Variants in ZNF577 observed in about 807,000 individuals in gnomAD.
ZNF577 encodes the protein zinc finger protein 577.
ZNF577 carries 14 observed loss-of-function variants against 13.9 expected under a neutral mutation model. The ratio of observed to expected loss-of-function variants is 1.00; its 90% CI spans 0.66 to 1.57. The LOEUF (loss-of-function observed/expected upper bound fraction) is 1.57, where lower values mean the gene tolerates loss of function less well. ZNF577 is among the 40% of genes most tolerant of loss of function. The pLI, the probability that ZNF577 is intolerant of heterozygous loss-of-function variation, is 0.00. For synonymous variants in ZNF577, 203 were observed against 202.9 expected, an observed-to-expected ratio of 1.00 and a Z score of 0.00; for missense variants, 555 against 579.2, an observed-to-expected ratio of 0.96 and a Z score of 0.43.
At chr19:51,832,161 T>G (rs576116803) in intron 9 of ZNF577, among the ~76,000 whole-genome samples, 1 of 152,196 alleles carries the variant, frequency 6.6e-6, no homozygotes, top group Admixed American at 6.5e-5. Context: ...AGCCTCCACA[T>G]TCATCTGTCA....
At chr19:51,832,831 A>G (rs1354812858) in intron 9 of ZNF577, among the ~76,000 whole-genome samples, 1 of 152,186 alleles carries the variant, frequency 6.6e-6, no homozygotes, top group Non-Finnish European at 1.5e-5. Flanking sequence ...ACGTATGTCA[A>G]AAGTCAATAT....
At chr19:51,821,823 G>A (rs1157490488) in intron 9 of ZNF577, among the ~76,000 whole-genome samples, 1 of 151,674 alleles carries the variant, frequency 6.6e-6, no homozygotes, top group Non-Finnish European at 1.5e-5. Flanking sequence ...AATTCCCTCT[G>A]GTACAAAAAG....
Position 51,873,031 on chromosome 19 carries a change from T to C in ZNF577, c.959A>G (p.His320Arg). 1 of 1,614,240 alleles carries C rather than the reference T, an allele frequency of 6.2e-7. No homozygotes were observed. Among genetic ancestry groups the C allele is most frequent in the Non-Finnish European group, 8.5e-7 (1 of 1,180,044 alleles). Residue 320 changes from histidine to arginine, a missense_variant, in exon 6 of 6, where the codon CAT becomes CGT. Transcript: ENST00000638348. Reference protein sequence around the residue: ...KSDLTRHQRIHTGEKPYECSE... With the variant: ...KSDLTRHQRIRTGEKPYECSE... ...ACATTCATAAGGTTTCTCTCCCGTATGAATCCTCTGATGTCTGGTCAGGTC... is the reference window on the plus strand; with the variant it reads ...ACATTCATAAGGTTTCTCTCCCGTACGAATCCTCTGATGTCTGGTCAGGTC...
chr19:51,835,170 TA>T (rs2084281832), intron 9 of ZNF577, among the ~76,000 whole-genome samples: 1 of 151,930 alleles, frequency 6.6e-6, no homozygotes, highest in Non-Finnish European at 1.5e-5. Context: ...CTAGCAATAC[TA>T]ATCAAGAAAA....
At chr19:51,832,607 C>A (rs1006835190) in intron 9 of ZNF577, among the ~76,000 whole-genome samples, 22 of 152,178 alleles carry the variant, frequency 1.4e-4, no homozygotes, top group African/African-American at 5.1e-4. Flanking sequence ...TCAAAGAATT[C>A]TTTGGTTAGC....
At chr19:51,810,382 T>A (rs2084088065) in intron 10 of ZNF577, among the ~76,000 whole-genome samples, 1 of 152,198 alleles carries the variant, frequency 6.6e-6, no homozygotes, top group East Asian at 1.9e-4. Flanking sequence ...TCACTGCCTC[T>A]TGTGATCTTG....
intron 4 of ZNF577, chr19:51,877,614 TAAC>T: frequency 2.7e-6 from 1 of 366,840 alleles, no homozygotes; most frequent in East Asian, 4.4e-5. Context: ...AAACAGAAAA[TAAC>T]AATTGTTGGC....
Position 51,824,378 on chromosome 19 carries a change from C to T in ZNF577, c.*600-12704G>A. 3 of 1,614,144 alleles carry T rather than the reference C, an allele frequency of 1.9e-6. No individual in the cohort carries two copies. Among genetic ancestry groups the T allele is most frequent in the Non-Finnish European group, 1.7e-6 (2 of 1,180,016 alleles). On this transcript the variant is annotated intron_variant and NMD_transcript_variant, in intron 9 of 10. Coordinates refer to the ZNF577 transcript ENST00000638827. The surrounding 1 kb of genome is among the most constrained non-coding windows in gnomAD (Gnocchi z 4.7). Reference sequence around the variant, plus strand: ...TGATCCTCCACTTCATTATTGGCTTCAGCGTGCCTATGTCCATCATCACAG... The same window carrying T: ...TGATCCTCCACTTCATTATTGGCTTTAGCGTGCCTATGTCCATCATCACAG...
chr19:51,808,322 G>A (rs192995676), intron 10 of ZNF577, among the ~76,000 whole-genome samples: 1 of 152,294 alleles, frequency 6.6e-6, no homozygotes, highest in Non-Finnish European at 1.5e-5. Context: ...TAGTTCCTAA[G>A]TATTGGTATG....
chr19:51,817,126 G>C (rs1014250179), intron 9 of ZNF577, among the ~76,000 whole-genome samples: 3 of 152,112 alleles, frequency 2.0e-5, no homozygotes, highest in African/African-American at 7.2e-5. Flanking sequence ...TGAGTAGTTT[G>C]ATGACATCTC....
intron 10 of ZNF577, among the ~76,000 whole-genome samples, chr19:51,808,450 C>A (rs1296175262): frequency 6.6e-6 from 1 of 152,156 alleles, no homozygotes; most frequent in Non-Finnish European, 1.5e-5. Context: ...AAAAGAATAT[C>A]ATCCATATAA....
chr19:51,806,210 C>T (rs2084057671), intron 10 of ZNF577, among the ~76,000 whole-genome samples: 2 of 152,182 alleles, frequency 1.3e-5, no homozygotes, highest in African/African-American at 4.8e-5. Flanking sequence ...ACCGGAGGGA[C>T]TGGGCCCATG....
At chr19:51,842,101 T>A (rs2084324428) in intron 8 of ZNF577, among the ~76,000 whole-genome samples, 1 of 151,826 alleles carries the variant, frequency 6.6e-6, no homozygotes, top group Non-Finnish European at 1.5e-5. Flanking sequence ...CTAGAAGAGG[T>A]CTATAAATAT....
intron 5 of ZNF577, among the ~76,000 whole-genome samples, chr19:51,852,299 GA>G (rs1472233677): frequency 6.6e-6 from 1 of 152,198 alleles, no homozygotes; most frequent in Non-Finnish European, 1.5e-5. Context: ...TGAGAGGAAA[GA>G]AACAATTGCA....
intron 4 of ZNF577, 25 bp from the exon 5 acceptor site, chr19:51,877,402 C>T (rs1189550816): frequency 1.3e-6 from 2 of 1,589,358 alleles, no homozygotes; most frequent in Admixed American, 1.7e-5. Flanking sequence ...TCACTGAACA[C>T]TTGGCACGTG....
chr19:51,883,197 T>C (rs921509256), intron 1 of ZNF577, among the ~76,000 whole-genome samples: 2 of 152,026 alleles, frequency 1.3e-5, no homozygotes, highest in African/African-American at 4.8e-5. Flanking sequence ...TTCACCATCT[T>C]TGCCAGGCTG....
intron 9 of ZNF577, among the ~76,000 whole-genome samples, chr19:51,812,702 C>A (rs2084105767): frequency 6.6e-6 from 1 of 152,194 alleles, no homozygotes. Flanking sequence ...ACAGGTGCAG[C>A]ATTACATTGA....
intron 5 of ZNF577, among the ~76,000 whole-genome samples, chr19:51,876,382 T>G (rs2084763072): frequency 6.6e-6 from 1 of 150,384 alleles, no homozygotes; most frequent in African/African-American, 2.5e-5. Flanking sequence ...ACTTTGCGAG[T>G]CTCCAGCAGG....
rs758371195 is a variant in ZNF577 at position 51,873,282 on chromosome 19, A to G, written c.708T>C (p.His236=). The change falls in exon 6 of 6, where the codon CAT becomes CAC. Residue 236 remains histidine, a synonymous_variant. Coordinates refer to ENST00000638348, the MANE Select transcript of ZNF577 (RefSeq NM_001370449.1). ...TGCATCTGTAGGGTTTCTCTCCTGT[A>G]TGGGTTCTCTGATGGACCATGAGCT... ...KSQLMVHQRT[H]TGEKPYRCSK... is the part of the protein sequence containing the mutation. The G allele has an allele frequency of 2.5e-6, 4 of 1,613,156 alleles. No homozygotes were observed. The highest frequency in any genetic ancestry group is 1.7e-5 in the Admixed American group (1 of 59,984).
Sources: gnomAD v4.1 joint callset for allele counts (sites outside exome capture counted in the v4.1 genomes callset) on GRCh38, gnomAD v4.1.1 for gene constraint, Gnocchi (gnomAD v3.1) non-coding constraint, MANE v1.5 for transcripts, NCBI Gene and HGNC (gene_info 2026-07-23, HGNC 2026-07-21) for gene names.